CAMK2A: variants seen among roughly 807,000 people sequenced by gnomAD.
CAMK2A encodes the protein calcium/calmodulin dependent protein kinase II alpha, also known as calcium/calmodulin-dependent protein kinase type II subunit alpha.
Under a neutral mutation model 79.2 loss-of-function variants are expected in CAMK2A, and 7 were observed. The observed-to-expected ratio is 0.09, with a 90% confidence interval of 0.05 to 0.17. CAMK2A has a LOEUF of 0.17. CAMK2A is among the 10% of genes least tolerant of loss of function. The pLI, the probability that CAMK2A is intolerant of heterozygous loss-of-function variation, is 1.00. For missense variants in CAMK2A, 214 were observed against 646.4 expected (o/e 0.33, Z 7.25); for synonymous variants, 242 against 251.7 (o/e 0.96, Z 0.36).
At chr5:150,273,265 A>G (rs1756825988) in intron 1 of CAMK2A, 106 bp from the exon 2 acceptor site, 1 of 829,888 alleles carries the variant, frequency 1.2e-6, no homozygotes, top group Non-Finnish European at 2.0e-6. Flanking sequence ...GAAGCCCTTC[A>G]TCAGAGCTGC....
rs753753934 is a variant in CAMK2A at position 150,251,683 on chromosome 5, T to C, written c.693+67A>G. 141 of 1,257,314 alleles carry C rather than the reference T, an allele frequency of 1.1e-4. 1 individual carries two copies. The highest frequency in any genetic ancestry group is 1.5e-4 in the Non-Finnish European group (137 of 907,832). 77.9% of individuals were successfully genotyped at this position (1,257,314 alleles called of 1,614,324 possible). On this transcript the variant is annotated intron_variant, in intron 9 of 18. Transcript: ENST00000671881. ...CCCTGTGCCAGAACTAGAGAGTGGCTTGGCGCTGGCTTTCACTGGAAGGGC... is the reference window on the plus strand; with the variant it reads ...CCCTGTGCCAGAACTAGAGAGTGGCCTGGCGCTGGCTTTCACTGGAAGGGC...
intron 9 of CAMK2A, 111 bp from the exon 10 acceptor site, chr5:150,250,921 C>T (rs1755804143): frequency 4.1e-6 from 5 of 1,232,740 alleles, no homozygotes; most frequent in South Asian, 2.8e-5. Context: ...CCCATCCACT[C>T]GGACATCCAC....
At chr5:150,257,471 A>T (rs1756107847) in intron 4 of CAMK2A, 92 bp downstream of exon 4, 2 of 1,130,314 alleles carry the variant, frequency 1.8e-6, no homozygotes, top group African/African-American at 3.1e-5. Context: ...CTGGACCACA[A>T]GAGGGAATTC....
At chr5:150,285,907 T>C (rs764241968) in intron 1 of CAMK2A, among the ~76,000 whole-genome samples, 19 of 152,184 alleles carry the variant, frequency 1.2e-4, no homozygotes, top group Non-Finnish European at 2.4e-4. Flanking sequence ...AGAATGCCAA[T>C]GGCTGGAAAA....
chr5:150,276,522 G>A (rs1222836552), intron 1 of CAMK2A, among the ~76,000 whole-genome samples: 1 of 152,196 alleles, frequency 6.6e-6, no homozygotes, highest in Non-Finnish European at 1.5e-5. Flanking sequence ...GTCTCTCAAA[G>A]GTGCCCACCC....
intron 11 of CAMK2A, among the ~76,000 whole-genome samples, chr5:150,248,066 G>A (rs1449857876): frequency 6.6e-6 from 1 of 152,164 alleles, no homozygotes; most frequent in Non-Finnish European, 1.5e-5. Context: ...CGTCCTAGGG[G>A]CAGATATTAA....
At position 150,221,175 on chromosome 5, in the gene CAMK2A, T is replaced by G. The variant is rs562357916; in HGVS notation, c.*1535A>C. The stretch of plus-strand genomic sequence containing the variant: ...TTGGTTTTGTTGAGTGTTTTCTTCT[T>G]TTTGTTTGTTTTCAACATACTTACT... On this transcript the variant is annotated 3_prime_UTR_variant, in exon 19 of 19. Coordinates refer to ENST00000671881, the MANE Select transcript of CAMK2A (RefSeq NM_015981.4). 12 of 349,622 alleles carry G rather than the reference T, an allele frequency of 3.4e-5. 1 individual carries two copies. The highest frequency in any genetic ancestry group is 1.9e-4 in the African/African-American group (9 of 47,636). 21.7% of individuals were successfully genotyped at this position (349,622 alleles called of 1,614,324 possible).
intron 2 of CAMK2A, among the ~76,000 whole-genome samples, chr5:150,269,189 C>T (rs1434873595): frequency 6.6e-6 from 1 of 152,170 alleles, no homozygotes; most frequent in East Asian, 1.9e-4. Context: ...GGGAGCTTTC[C>T]CCAATGCCCA....
chr5:150,275,002 G>A (rs1756892285), intron 1 of CAMK2A, among the ~76,000 whole-genome samples: 1 of 152,264 alleles, frequency 6.6e-6, no homozygotes, highest in Non-Finnish European at 1.5e-5. Flanking sequence ...ACAGATGCCT[G>A]CTCTGCACAC....
At chr5:150,226,682 A>G (rs1754610250) in intron 17 of CAMK2A, among the ~76,000 whole-genome samples, 2 of 120,382 alleles carry the variant, frequency 1.7e-5, no homozygotes, top group Admixed American at 9.9e-5. Flanking sequence ...GGTTGCAGTG[A>G]GCCAAGATCG....
intron 11 of CAMK2A, among the ~76,000 whole-genome samples, chr5:150,249,607 G>A (rs936095245): frequency 2.6e-5 from 4 of 151,002 alleles, no homozygotes; most frequent in African/African-American, 9.7e-5. Flanking sequence ...GGAGTGCAAT[G>A]GCACGATCTC....
Position 150,238,678 on chromosome 5 carries a change from G to T in CAMK2A, c.1066+22C>A, listed in dbSNP as rs535223578. On this transcript the variant is annotated intron_variant, in intron 15 of 18. Coordinates refer to ENST00000671881, the MANE Select transcript of CAMK2A (RefSeq NM_015981.4). ...TGGTTCCAGAAGTCTAAGGGGTCCC[G>T]ACACTGAAGGCCCCTCCCTACCTTT... 2.5e-6 allele frequency: 4 copies of T among 1,594,488 alleles called. No individual in the cohort carries two copies. In the African/African-American group the frequency reaches 4.0e-5, roughly 16 times the overall value.
At chr5:150,277,915 T>C (rs1424038425) in intron 1 of CAMK2A, among the ~76,000 whole-genome samples, 1 of 152,216 alleles carries the variant, frequency 6.6e-6, no homozygotes, top group Non-Finnish European at 1.5e-5. Context: ...AGCAGGCATA[T>C]TCTTAATTGA....
chr5:150,256,892 G>C lies in CAMK2A; in HGVS notation c.273-61C>G. 1 of 1,432,748 alleles carries C rather than the reference G, an allele frequency of 7.0e-7. No homozygotes were observed. The highest frequency in any genetic ancestry group is 1.2e-5 in the South Asian group (1 of 80,536). The allele number at this position is 1,432,748 out of a possible 1,614,324, so 88.8% of individuals were successfully genotyped here. A position where few individuals can be genotyped will look rare whatever the true frequency, so the allele number is the denominator to read the frequency against. ...GGCGACAGGTGCTGCCTCATCTGGAGGAGTCTCCAGGAAACTAAGGATGGG... is the reference window on the plus strand; with the variant it reads ...GGCGACAGGTGCTGCCTCATCTGGACGAGTCTCCAGGAAACTAAGGATGGG... On this transcript the variant is annotated intron_variant, in intron 4 of 18. Coordinates refer to ENST00000671881, the MANE Select transcript of CAMK2A (RefSeq NM_015981.4). This position sits in a 1 kb window ranked among gnomAD's most constrained non-coding sequence, Gnocchi z 4.6.
In CAMK2A at chr5:150,228,223, G is replaced by A; in HGVS notation, c.1206C>T (p.Gly402=). The A allele has an allele frequency of 1.2e-6, 2 of 1,613,878 alleles. No individual in the cohort carries two copies. Among genetic ancestry groups the A allele is most frequent in the Non-Finnish European group, 1.7e-6 (2 of 1,179,854 alleles). The change falls in exon 17 of 19, where the codon GGC becomes GGT. Residue 402 remains glycine, a synonymous_variant. Transcript: ENST00000671881. The part of the protein sequence containing the change: ...EPEALGNLVE[G]LDFHRFYFEN... ...CAAAATAGAATCGATGGAAGTCCAG[G>A]CCCTCAACCAGGTTCCCCAGGGCCT...
chr5:150,234,936 C>A (rs1754999877), intron 15 of CAMK2A, among the ~76,000 whole-genome samples: 1 of 152,216 alleles, frequency 6.6e-6, no homozygotes. Context: ...GCTTCCCCAG[C>A]CTCTATGCCT....
Position 150,263,576 on chromosome 5 carries a change from CAT to C in CAMK2A, c.217+1378_217+1379del, listed in dbSNP as rs1453280411. Among the ~76,000 whole-genome samples, 42 of 152,044 alleles carry C rather than the reference CAT, an allele frequency of 2.8e-4. 1 individual carries two copies. The highest frequency in any genetic ancestry group is 1.3e-4 in the Non-Finnish European group (9 of 67,960). On this transcript the variant is annotated intron_variant, in intron 3 of 18. Transcript: ENST00000671881. ...TCCAACACTGTCACATACACACACA[CAT>C]ACATGCATACACATACACTCACACG...
intron 1 of CAMK2A, among the ~76,000 whole-genome samples, chr5:150,274,060 T>A (rs1756857996): frequency 6.6e-6 from 1 of 152,212 alleles, no homozygotes; most frequent in African/African-American, 2.4e-5. Flanking sequence ...CAAGAGTGCC[T>A]GTTTCCTTTG....
intron 3 of CAMK2A, among the ~76,000 whole-genome samples, chr5:150,257,889 CCT>C (rs1756130572): frequency 6.6e-6 from 1 of 152,192 alleles, no homozygotes; most frequent in African/African-American, 2.4e-5. Flanking sequence ...TCTCCGAAAC[CCT>C]GTTTGGTTGC....
Sources: gnomAD v4.1 joint callset for allele counts (sites outside exome capture counted in the v4.1 genomes callset) on GRCh38, gnomAD v4.1.1 for gene constraint, Gnocchi (gnomAD v3.1) non-coding constraint, MANE v1.5 for transcripts, NCBI Gene and HGNC (gene_info 2026-07-23, HGNC 2026-07-21) for gene names.